INTU: variants seen among roughly 807,000 people sequenced by gnomAD.
INTU encodes the protein inturned planar cell polarity protein.
INTU carries 68 observed loss-of-function variants against 100.5 expected under a neutral mutation model. That is an observed-to-expected ratio of 0.68 (90% confidence interval 0.56 to 0.83). The LOEUF (loss-of-function observed/expected upper bound fraction) is 0.83, where lower values mean the gene tolerates loss of function less well. INTU is among the 40% of genes least tolerant of loss of function. The pLI, the probability that INTU is intolerant of heterozygous loss-of-function variation, is 0.00. For synonymous variants in INTU, 357 were observed against 395.7 expected, an observed-to-expected ratio of 0.90 and a Z score of 1.16; for missense variants, 1,071 against 1,114.7, an observed-to-expected ratio of 0.96 and a Z score of 0.56.
At chr4:127,640,542 CAT>C (rs869116277) in intron 1 of INTU, among the ~76,000 whole-genome samples, 890 of 53,478 alleles carry the variant, frequency 0.017, 5 homozygotes, top group South Asian at 0.023. Flanking sequence ...GGTAAAGATA[CAT>C]ATATATATAT....
chr4:127,666,220 T>A (rs1366861636), intron 4 of INTU, among the ~76,000 whole-genome samples: 1 of 152,182 alleles, frequency 6.6e-6, no homozygotes. Flanking sequence ...CTCTTGTTGC[T>A]TGCTCATCTT....
At chr4:127,691,280 T>A (rs1730110440) in intron 8 of INTU, among the ~76,000 whole-genome samples, 1 of 152,180 alleles carries the variant, frequency 6.6e-6, no homozygotes, top group African/African-American at 2.4e-5. Flanking sequence ...GCTCCCATGT[T>A]TGGGCAATTA....
chr4:127,715,118 G>A (rs1731223773), intron 15 of INTU, among the ~76,000 whole-genome samples: 1 of 152,056 alleles, frequency 6.6e-6, no homozygotes, highest in Non-Finnish European at 1.5e-5. Flanking sequence ...ATTCTGAGGA[G>A]GGGGCAAAAT....
intron 12 of INTU, among the ~76,000 whole-genome samples, chr4:127,707,275 C>T (rs898718997): frequency 2.0e-5 from 3 of 149,648 alleles, no homozygotes; most frequent in East Asian, 3.9e-4. Context: ...CCAGATGCAT[C>T]GGGAGGCTGA....
chr4:127,656,917 A>G (rs35875874), intron 3 of INTU, among the ~76,000 whole-genome samples, 196 bp downstream of exon 3: 1 of 152,046 alleles, frequency 6.6e-6, no homozygotes, highest in Admixed American at 6.5e-5. Context: ...AAAGAGAGAA[A>G]AATATCTACA....
At chr4:127,650,926 G>C (rs1727833559) in intron 2 of INTU, among the ~76,000 whole-genome samples, 1 of 152,196 alleles carries the variant, frequency 6.6e-6, no homozygotes, top group Non-Finnish European at 1.5e-5. Context: ...ACTGGTGTGA[G>C]ATGGTATCTC....
chr4:127,690,768 A>ACATG (rs1218834719), intron 8 of INTU, among the ~76,000 whole-genome samples: 2 of 152,154 alleles, frequency 1.3e-5, no homozygotes, highest in Non-Finnish European at 2.9e-5. Flanking sequence ...CATACATCAT[A>ACATG]CATGCATAGC....
chr4:127,714,919 G>GT (rs758279135), intron 15 of INTU, among the ~76,000 whole-genome samples: 6 of 152,004 alleles, frequency 3.9e-5, no homozygotes, highest in Non-Finnish European at 7.4e-5. Flanking sequence ...GCAGTGGGCG[G>GT]TATGGCAAAC....
chr4:127,640,023 A>G (rs756713033), intron 1 of INTU, among the ~76,000 whole-genome samples: 1 of 152,160 alleles, frequency 6.6e-6, no homozygotes, highest in Non-Finnish European at 1.5e-5. Context: ...TTGTGTCACT[A>G]TCACCTACCC....
At chr4:127,713,507 T>G (rs1731161438) in intron 14 of INTU, among the ~76,000 whole-genome samples, 2 of 152,206 alleles carry the variant, frequency 1.3e-5, no homozygotes, top group Admixed American at 6.5e-5. Flanking sequence ...TTCAATTTAT[T>G]ACAGAATTAT....
At chr4:127,672,250 GA>G (rs1728962933) in intron 5 of INTU, among the ~76,000 whole-genome samples, 1 of 152,098 alleles carries the variant, frequency 6.6e-6, no homozygotes. Context: ...ACCTCAGAAA[GA>G]AATCCTATAC....
chr4:127,656,006 T>C lies in INTU; in HGVS notation c.683-630T>C, dbSNP rs1728195098. Among the ~76,000 whole-genome samples the C allele has an allele frequency of 2.6e-5, 4 of 152,224 alleles. No homozygotes were observed. The South Asian group carries it at 6.2e-4, about 24-fold the overall frequency. On this transcript the variant is annotated intron_variant, in intron 2 of 15. Transcript: ENST00000335251. ...ATTTTCCAGGTGCGTCCGTCACCCC[T>C]TTCTTTGACTCGGAAAGGGAACTCC...
chr4:127,677,129 A>G (rs1040554175), intron 6 of INTU, among the ~76,000 whole-genome samples: 1 of 152,212 alleles, frequency 6.6e-6, no homozygotes, highest in Non-Finnish European at 1.5e-5. Flanking sequence ...ACCACAGCTC[A>G]AGGAGGCCTG....
At chr4:127,688,659 G>T (rs1729947057) in intron 8 of INTU, among the ~76,000 whole-genome samples, 2 of 152,138 alleles carry the variant, frequency 1.3e-5, no homozygotes, top group Admixed American at 1.3e-4. Context: ...TATTTAAATT[G>T]ATGTATCAAT....
At chr4:127,698,521 G>C in intron 8 of INTU, among the ~76,000 whole-genome samples, 1 of 151,000 alleles carries the variant, frequency 6.6e-6, no homozygotes, top group Non-Finnish European at 1.5e-5. Flanking sequence ...GGTGGAAATA[G>C]TTATTTTTGC....
At chr4:127,684,321 T>G (rs1578598742) in intron 6 of INTU, 88 bp from the exon 7 acceptor site, 4 of 727,282 alleles carry the variant, frequency 5.5e-6, no homozygotes, top group Non-Finnish European at 9.5e-6. Flanking sequence ...ACATTCCGTA[T>G]GTGTAAAATT....
Position 127,656,676 on chromosome 4 carries a change from T to C in INTU, c.723T>C (p.Thr241=), listed in dbSNP as rs1728242389. 1.2e-6 allele frequency: 2 copies of C among 1,611,284 alleles called. No homozygotes were observed. The highest frequency in any genetic ancestry group is 2.2e-5 in the East Asian group (1 of 44,848). ...CTGTGAATGATGTCGATGTTACTAC[T>C]GAAAACATCGAGAGAGTTCTGTCTT... is the stretch of plus-strand genomic sequence containing the variant. ...LVAVNDVDVT[T]ENIERVLSCI... The change falls in exon 3 of 16, where the codon ACT becomes ACC. Residue 241 remains threonine (T), a synonymous_variant. Transcript: ENST00000335251.
intron 3 of INTU, among the ~76,000 whole-genome samples, chr4:127,659,680 C>G (rs1161539878): frequency 6.6e-6 from 1 of 152,096 alleles, no homozygotes; most frequent in Non-Finnish European, 1.5e-5. Flanking sequence ...GAGCTTGGGT[C>G]CAAATTTTGC....
chr4:127,700,494 G>C (rs533132764), intron 9 of INTU, among the ~76,000 whole-genome samples: 2 of 152,274 alleles, frequency 1.3e-5, no homozygotes, highest in South Asian at 2.1e-4. Context: ...CTAATACCCA[G>C]ACCATGGTGT....
Sources: allele counts gnomAD v4.1 joint callset (sites outside exome capture counted in the v4.1 genomes callset), GRCh38; gene constraint gnomAD v4.1.1; transcripts MANE v1.5; gene names NCBI Gene and HGNC (gene_info 2026-07-23, HGNC 2026-07-21).